The following ANKS1B variants were observed in gnomAD, a reference collection of about 807,000 sequenced individuals.
The protein encoded by ANKS1B is ankyrin repeat and sterile alpha motif domain containing 1B.
Under a neutral mutation model 148.3 loss-of-function variants are expected in ANKS1B, and 36 were observed. That is an observed-to-expected ratio of 0.24 (90% CI 0.19 to 0.32). The LOEUF (loss-of-function observed/expected upper bound fraction) is 0.32, where lower values mean the gene tolerates loss of function less well. Ranked by LOEUF, ANKS1B falls within the 10% of genes least tolerant of loss-of-function variation. The probability of loss-of-function intolerance (pLI) is 1.00; values close to 1 mark genes in which losing one functional copy is unlikely to be tolerated. For synonymous variants in ANKS1B, 542 were observed against 560.8 expected (o/e 0.97, Z 0.47); for missense variants, 1,157 against 1,542.6 (o/e 0.75, Z 4.19).
rs79214275 is a variant in ANKS1B, at chr12:99,105,307, A to G, written c.2527-20284T>C. On this transcript the variant is annotated intron_variant, in intron 15 of 26. Transcript: ENST00000683438. ...TGGGTACCCGTTTTTTCATGTGTACACACTAGCATCTTCAGTTGATAAGTT... is the reference window on the plus strand; with the variant it reads ...TGGGTACCCGTTTTTTCATGTGTACGCACTAGCATCTTCAGTTGATAAGTT... 4.0e-3 allele frequency among the ~76,000 whole-genome samples: 615 copies of G among 152,256 alleles called. 25 individuals are homozygous for G. In the East Asian group the frequency reaches 0.085, roughly 21 times the overall value.
At chr12:99,004,364 G>A (rs531070350) in intron 17 of ANKS1B, among the ~76,000 whole-genome samples, 4 of 152,166 alleles carry the variant, frequency 2.6e-5, no homozygotes, top group Admixed American at 6.5e-5. Context: ...TACCAATATC[G>A]TCCTCATAGG....
At chr12:99,160,030 C>T (rs660884) in intron 14 of ANKS1B, among the ~76,000 whole-genome samples, 74 of 151,998 alleles carry the variant, frequency 4.9e-4, no homozygotes, top group Non-Finnish European at 6.9e-4. Flanking sequence ...TCTTCTTTTG[C>T]GAAGTGTCTG....
At chr12:99,754,034 T>C (rs1318036708) in intron 8 of ANKS1B, among the ~76,000 whole-genome samples, 1 of 149,700 alleles carries the variant, frequency 6.7e-6, no homozygotes, top group East Asian at 2.0e-4. Flanking sequence ...AAAAATAAAA[T>C]AAAATAAAAT....
chr12:99,620,923 T>C (rs1392014526), intron 9 of ANKS1B, among the ~76,000 whole-genome samples: 3 of 152,120 alleles, frequency 2.0e-5, no homozygotes, highest in African/African-American at 4.8e-5. Flanking sequence ...TGCAAGATAC[T>C]ATACAAAATG....
chr12:98,917,299 G>C (rs753364358), intron 17 of ANKS1B, among the ~76,000 whole-genome samples: 12 of 152,186 alleles, frequency 7.9e-5, no homozygotes, highest in Non-Finnish European at 1.8e-4. Context: ...CAGGGTCTTA[G>C]GACCCAGGTA....
rs150053301 is a variant in ANKS1B at position 99,339,371 on chromosome 12, C to T, written c.1756+60260G>A. ...TTCCTCTCCCAAACACACAAATTCT[C>T]TCTCCATGCCACACTGCATTGTCAG... On this transcript the variant is annotated intron_variant, in intron 12 of 26. Transcript: ENST00000683438. Among the ~76,000 whole-genome samples the T allele has an allele frequency of 2.0e-5, 3 of 152,310 alleles. No homozygotes were observed. The South Asian group carries it at 6.2e-4, about 32-fold the overall frequency.
chr12:99,075,081 G>A (rs2047409483), intron 16 of ANKS1B, among the ~76,000 whole-genome samples: 1 of 152,130 alleles, frequency 6.6e-6, no homozygotes, highest in Non-Finnish European at 1.5e-5. Flanking sequence ...GAGAGTTAAG[G>A]TACAGAAGGA....
intron 18 of ANKS1B, 83 bp downstream of exon 18, chr12:98,831,946 C>T (rs765772439): frequency 1.5e-5 from 19 of 1,290,842 alleles, no homozygotes; most frequent in Non-Finnish European, 2.1e-5. Flanking sequence ...GAGGCAGGGT[C>T]TCACCATGTT....
intron 15 of ANKS1B, among the ~76,000 whole-genome samples, chr12:99,102,130 G>A (rs896804813): frequency 2.6e-5 from 4 of 152,164 alleles, no homozygotes; most frequent in African/African-American, 4.8e-5. Flanking sequence ...TGCCAAGAGG[G>A]TAACGAGTTT....
At chr12:98,774,594 C>G (rs1307722168) in intron 24 of ANKS1B, among the ~76,000 whole-genome samples, 1 of 152,192 alleles carries the variant, frequency 6.6e-6, no homozygotes, top group Admixed American at 6.5e-5. Context: ...TGTCACAGAT[C>G]TAAAACCCTC....
At chr12:99,133,056 CT>C (rs58520928) in intron 15 of ANKS1B, among the ~76,000 whole-genome samples, 7,261 of 117,758 alleles carry the variant, frequency 0.062, 398 homozygotes, top group African/African-American at 0.21. Context: ...TTCTTTCTTT[CT>C]TTTTTTTTTT....
intron 1 of ANKS1B, among the ~76,000 whole-genome samples, chr12:99,930,761 C>A (rs528183377): frequency 6.6e-6 from 1 of 152,258 alleles, no homozygotes; most frequent in African/African-American, 2.4e-5. Flanking sequence ...TAAACTAGTT[C>A]AACCATTGTG....
intron 8 of ANKS1B, among the ~76,000 whole-genome samples, chr12:99,768,691 T>A (rs1183533185): frequency 6.6e-6 from 1 of 151,852 alleles, no homozygotes; most frequent in Non-Finnish European, 1.5e-5. Context: ...CCAGGTGTGG[T>A]GGCACGTGCC....
intron 9 of ANKS1B, among the ~76,000 whole-genome samples, chr12:99,644,872 T>C (rs1284215138): frequency 6.6e-6 from 1 of 152,146 alleles, no homozygotes; most frequent in African/African-American, 2.4e-5. Flanking sequence ...AGAGGCCTCT[T>C]GCATTCCTTT....
intron 9 of ANKS1B, among the ~76,000 whole-genome samples, chr12:99,535,794 G>T (rs1026939829): frequency 6.6e-6 from 1 of 152,106 alleles, no homozygotes; most frequent in Non-Finnish European, 1.5e-5. Context: ...AAAAGGCACA[G>T]GAACACTCAA....
intron 11 of ANKS1B, among the ~76,000 whole-genome samples, chr12:99,442,338 C>T (rs557876453): frequency 9.2e-5 from 14 of 151,908 alleles, no homozygotes; most frequent in African/African-American, 3.1e-4. Flanking sequence ...CAGAAGACGA[C>T]ATTTTTGAAA....
intron 12 of ANKS1B, among the ~76,000 whole-genome samples, chr12:99,346,823 C>A (rs1437246830): frequency 6.6e-6 from 1 of 151,848 alleles, no homozygotes; most frequent in Non-Finnish European, 1.5e-5. Context: ...CTGCTCTGGC[C>A]CTGTAAGACG....
intron 19 of ANKS1B, among the ~76,000 whole-genome samples, chr12:98,823,584 G>A (rs2099219653): frequency 6.6e-6 from 1 of 152,198 alleles, no homozygotes; most frequent in African/African-American, 2.4e-5. Context: ...CTGCCTCCAG[G>A]GTTCAAGCAA....
At chr12:99,719,224 A>AT (rs1237465514) in intron 8 of ANKS1B, among the ~76,000 whole-genome samples, 1 of 152,128 alleles carries the variant, frequency 6.6e-6, no homozygotes, top group Non-Finnish European at 1.5e-5. Context: ...TACAGTTCTC[A>AT]TAACTTCTAA....
Sources: allele counts gnomAD v4.1 joint callset (sites outside exome capture counted in the v4.1 genomes callset), GRCh38; gene constraint gnomAD v4.1.1; transcripts MANE v1.5; gene names NCBI Gene and HGNC (gene_info 2026-07-23, HGNC 2026-07-21).